The following CDK5RAP1 variants were observed in gnomAD, a reference collection of about 807,000 sequenced individuals.
CDK5RAP1 encodes CDK5RAP1 mitochondrial tRNA methylthiotransferase, also known as mitochondrial tRNA methylthiotransferase CDK5RAP1.
In CDK5RAP1, 62 loss-of-function variants were observed where a neutral mutation model predicts 64.5. The observed-to-expected ratio is 0.96, with a 90% CI of 0.78 to 1.19. The LOEUF is 1.19. CDK5RAP1 is among the 50% of genes most tolerant of loss of function. The pLI, the probability that CDK5RAP1 is intolerant of heterozygous loss-of-function variation, is 0.00. For missense variants in CDK5RAP1, 657 were observed against 735.0 expected (o/e 0.89, Z 1.23); for synonymous variants, 250 against 261.9 (o/e 0.95, Z 0.44).
chr20:33,375,326 C>G (rs957526446), intron 8 of CDK5RAP1, among the ~76,000 whole-genome samples: 1 of 149,018 alleles, frequency 6.7e-6, no homozygotes, highest in East Asian at 2.0e-4. Flanking sequence ...CACTTGAACC[C>G]GGGAGGCAGA....
At chr20:33,394,646 C>T (rs978123099) in intron 3 of CDK5RAP1, among the ~76,000 whole-genome samples, 2 of 152,016 alleles carry the variant, frequency 1.3e-5, no homozygotes, top group East Asian at 1.9e-4. Flanking sequence ...CACACCTGGA[C>T]ATTTTAACCA....
At chr20:33,382,750 A>G (rs1160007701) in intron 7 of CDK5RAP1, among the ~76,000 whole-genome samples, 1 of 152,156 alleles carries the variant, frequency 6.6e-6, no homozygotes, top group African/African-American at 2.4e-5. Flanking sequence ...CTATAATCCC[A>G]GCTACTCAGG....
chr20:33,360,584 G>C lies in CDK5RAP1; in HGVS notation c.1543-93C>G. The C allele has an allele frequency of 3.5e-6, 4 of 1,151,176 alleles. No homozygotes were observed. In the South Asian group the frequency reaches 4.5e-5, roughly 13 times the overall value. 71.3% of individuals were successfully genotyped at this position (1,151,176 alleles called of 1,614,324 possible). ...TGCCTTCTCTGTCTCGGATCCCCAA[G>C]AGTCTGACCCACAGAGCATTCCTTA... is the stretch of plus-strand genomic sequence containing the variant. On this transcript the variant is annotated intron_variant, in intron 12 of 13. Coordinates refer to ENST00000346416, the MANE Select transcript of CDK5RAP1 (RefSeq NM_016408.4).
intron 6 of CDK5RAP1, 72 bp downstream of exon 6, chr20:33,387,251 T>G (rs570269218): frequency 8.7e-6 from 10 of 1,144,866 alleles, no homozygotes; most frequent in Non-Finnish European, 1.3e-5. Flanking sequence ...AGTGAGACCC[T>G]GTCTCAAAAA....
intron 8 of CDK5RAP1, 48 bp from the exon 9 acceptor site, chr20:33,374,260 C>T (rs770824973): frequency 1.2e-5 from 15 of 1,285,594 alleles, no homozygotes; most frequent in Non-Finnish European, 1.6e-5. Flanking sequence ...CACCAAAGAA[C>T]CTTACAGAAA....
rs145364586 is a variant in CDK5RAP1 at position 33,396,790 on chromosome 20, A to G, written c.275T>C (p.Met92Thr). ...TCTCTGCCTTCCAAGAAGTTCATCC[A>G]TCATGAGATAGGGAGGTGGGTCTTC... is the stretch of plus-strand genomic sequence containing the variant. The part of the protein sequence containing the change: ...EVEDPPPYLM[M>T]DELLGRQRKV... The change falls in exon 2 of 14, where the codon ATG becomes ACG. Residue 92 changes from methionine (M) to threonine (T), a missense_variant. Coordinates refer to ENST00000346416, the MANE Select transcript of CDK5RAP1 (RefSeq NM_016408.4). 3.7e-6 allele frequency: 6 copies of G among 1,613,806 alleles called. No homozygotes were observed. Among genetic ancestry groups the G allele is most frequent in the Non-Finnish European group, 5.1e-6 (6 of 1,179,924 alleles).
chr20:33,385,112 G>C (rs1220741683), intron 7 of CDK5RAP1, among the ~76,000 whole-genome samples: 1 of 152,168 alleles, frequency 6.6e-6, no homozygotes, highest in Non-Finnish European at 1.5e-5. Context: ...CTCCCAGTGG[G>C]AGAAAGAAGA....
intron 5 of CDK5RAP1, among the ~76,000 whole-genome samples, 181 bp from the exon 6 acceptor site, chr20:33,387,714 C>T (rs1276848709): frequency 6.6e-6 from 1 of 152,172 alleles, no homozygotes; most frequent in East Asian, 1.9e-4. Flanking sequence ...CTGTATCTTC[C>T]TATATAAGAA....
At chr20:33,376,295 GC>G (rs1380363118) in intron 8 of CDK5RAP1, among the ~76,000 whole-genome samples, 2 of 151,996 alleles carry the variant, frequency 1.3e-5, no homozygotes, top group Admixed American at 6.6e-5. Context: ...CCGCACTCCA[GC>G]CTGGGTGACA....
At chr20:33,394,513 G>A (rs1333985858) in intron 3 of CDK5RAP1, among the ~76,000 whole-genome samples, 4 of 143,204 alleles carry the variant, frequency 2.8e-5, no homozygotes, top group South Asian at 4.4e-4. Flanking sequence ...AAGGAGTCTC[G>A]CTCACTTGCC....
intron 12 of CDK5RAP1, among the ~76,000 whole-genome samples, chr20:33,366,561 G>C (rs978775975): frequency 5.9e-5 from 9 of 151,768 alleles, no homozygotes; most frequent in Admixed American, 1.3e-4. Context: ...GCAGTGGGCC[G>C]AGACTGTGCC....
At chr20:33,359,365 A>G in intron 13 of CDK5RAP1, 1 of 476,516 alleles carries the variant, frequency 2.1e-6, no homozygotes, top group Middle Eastern at 5.7e-4. Context: ...TTTCTCTTGG[A>G]AGATGGCTCC....
intron 5 of CDK5RAP1, among the ~76,000 whole-genome samples, chr20:33,391,620 G>A (rs879846450): frequency 4.6e-5 from 7 of 152,052 alleles, no homozygotes; most frequent in Non-Finnish European, 1.0e-4. Context: ...TCAGGAGTTC[G>A]AGACCAGCCT....
intron 8 of CDK5RAP1, among the ~76,000 whole-genome samples, chr20:33,379,035 G>A (rs966345706): frequency 2.6e-5 from 4 of 151,768 alleles, no homozygotes; most frequent in South Asian, 2.1e-4. Flanking sequence ...CTGCAGCCTC[G>A]ACTTCCTGGG....
At chr20:33,360,086 C>A in intron 13 of CDK5RAP1, 1 of 421,320 alleles carries the variant, frequency 2.4e-6, no homozygotes, top group Non-Finnish European at 4.3e-6. Flanking sequence ...CTCTCTGCAG[C>A]GAGAAACTAC....
chr20:33,385,533 G>A, intron 7 of CDK5RAP1, 117 bp downstream of exon 7: 9 of 1,199,382 alleles, frequency 7.5e-6, no homozygotes, highest in Non-Finnish European at 8.2e-6. Flanking sequence ...GTTCTTTCTG[G>A]CCAGGCATGG....
rs118135356 is a variant in CDK5RAP1, at chr20:33,363,188, T to C, written c.1543-2697A>G. 5.2e-3 allele frequency among the ~76,000 whole-genome samples: 791 copies of C among 152,278 alleles called. 4 individuals carry two copies. The highest frequency in any genetic ancestry group is 9.8e-3 in the Non-Finnish European group (665 of 68,012). On this transcript the variant is annotated intron_variant, in intron 12 of 13. Transcript: ENST00000346416. ...ATCAAATTATGGACATTCTACAAAA[T>C]AACTGGCCTGTAATCTTTAAGTGTC...
chr20:33,379,188 G>A (rs1394064387), intron 8 of CDK5RAP1, among the ~76,000 whole-genome samples: 1 of 152,016 alleles, frequency 6.6e-6, no homozygotes, highest in African/African-American at 2.4e-5. Flanking sequence ...ACGGGGTTTC[G>A]CCATGTTGCC....
intron 13 of CDK5RAP1, 72 bp downstream of exon 13, chr20:33,360,279 C>T: frequency 1.3e-6 from 2 of 1,486,396 alleles, no homozygotes; most frequent in Non-Finnish European, 1.8e-6. Context: ...TAGGAAAAAA[C>T]TTTATTACCA....
Sources: gnomAD v4.1 joint callset for allele counts (sites outside exome capture counted in the v4.1 genomes callset) on GRCh38, gnomAD v4.1.1 for gene constraint, MANE v1.5 for transcripts, NCBI Gene and HGNC (gene_info 2026-07-23, HGNC 2026-07-21) for gene names.